L1CAM: variants seen among roughly 807,000 people sequenced by gnomAD.
L1CAM encodes neural cell adhesion molecule L1.
L1CAM carries 8 observed loss-of-function variants against 93.0 expected under a neutral mutation model. That is an observed-to-expected ratio of 0.09 (90% CI 0.05 to 0.16). The LOEUF (loss-of-function observed/expected upper bound fraction) is 0.16, where lower values mean the gene tolerates loss of function less well. Among genes scored for constraint, L1CAM ranks in the 10% least tolerant of loss-of-function variants. The probability of loss-of-function intolerance (pLI) is 1.00; values close to 1 mark genes in which losing one functional copy is unlikely to be tolerated. For missense variants in L1CAM, 777 were observed against 1,073.4 expected (o/e 0.72, Z 3.86); for synonymous variants, 453 against 453.0 (o/e 1.00, Z 0.00).
rs1410545364 is a variant in L1CAM at position 153,885,067 on chromosome X, CG to C, written c.-109+997del. 9.9e-3 allele frequency among the ~76,000 whole-genome samples: 1,112 copies of C among 112,161 alleles called. 16 individuals are homozygous for C. Among genetic ancestry groups the C allele is most frequent in the African/African-American group, 0.034 (1,064 of 30,885 alleles). On this transcript the variant is annotated intron_variant, in intron 1 of 28. Coordinates refer to ENST00000370060, the MANE Select transcript of L1CAM (RefSeq NM_001278116.2). ...TAGGTGGGGGGTCCAGATACCCTGTCGGGGGCAATGGATTGTAGTGCGTGTT... is the reference window on the plus strand; with the variant it reads ...TAGGTGGGGGGTCCAGATACCCTGTCGGGGCAATGGATTGTAGTGCGTGTT...
Position 153,865,215 on chromosome X carries a change from A to G in L1CAM, c.2750-5T>C. The G allele has an allele frequency of 8.3e-7, 1 of 1,209,787 alleles. No homozygotes were observed. Among genetic ancestry groups the G allele is most frequent in the South Asian group, 1.8e-5 (1 of 56,917 alleles). On this transcript the variant is annotated splice_polypyrimidine_tract_variant and splice_region_variant and intron_variant, in intron 21 of 28. Coordinates refer to ENST00000370060, the MANE Select transcript of L1CAM (RefSeq NM_001278116.2). ...ACGCCTCGGGGTGGCCAGGCACTGC[A>G]GGGCACAGAACCGAGTGGCAGGTAG...
chrX:153,865,626 G>T, intron 20 of L1CAM, 78 bp downstream of exon 20: 4 of 1,006,015 alleles, frequency 4.0e-6, no homozygotes, highest in Non-Finnish European at 5.7e-6. Flanking sequence ...GCGGCTGGCA[G>T]GTGGCAAAGC....
At position 153,870,305 on chromosome X, in the gene L1CAM, C is replaced by T. The variant is rs1206961127; in HGVS notation, c.807-65G>A. On this transcript the variant is annotated intron_variant, in intron 8 of 28. Coordinates refer to ENST00000370060, the MANE Select transcript of L1CAM (RefSeq NM_001278116.2). ...GGACAAGGCCAATCACCCCAGCCCC[C>T]TATACCCCGCGGTGGTCTGAGCTCC... is the stretch of plus-strand genomic sequence containing the variant. The T allele has an allele frequency of 5.9e-6, 7 of 1,180,731 alleles. No individual in the cohort carries two copies. The African/African-American group carries it at 8.8e-5, about 15-fold the overall frequency.
At chrX:153,879,785 G>A (rs973188481) in intron 1 of L1CAM, among the ~76,000 whole-genome samples, 8 of 111,046 alleles carry the variant, frequency 7.2e-5, no homozygotes, top group African/African-American at 1.3e-4. Flanking sequence ...GGGTAGGAAC[G>A]GGGGGAGGGG....
Position 153,865,767 on chromosome X carries a change from G to A in L1CAM, c.2484C>T (p.Ala828=), listed in dbSNP as rs1603274411. The change falls in exon 20 of 29, where the codon GCC becomes GCT. Residue 828 remains alanine, a synonymous_variant. Transcript: ENST00000370060. ...LEGIEILNSS[A]VLVKWRPVDL... ...CCACCGGCCGCCACTTGACCAGCAC[G>A]GCACTTGAGTTGAGGATTTCAATGC... The A allele has an allele frequency of 4.1e-6, 5 of 1,209,673 alleles. No homozygotes were observed. Among genetic ancestry groups the A allele is most frequent in the Non-Finnish European group, 5.6e-6 (5 of 894,550 alleles).
chrX:153,871,430 C>T (rs782099294), intron 5 of L1CAM, among the ~76,000 whole-genome samples: 4 of 110,735 alleles, frequency 3.6e-5, no homozygotes, highest in South Asian at 3.9e-4. Context: ...TAACCTTCCA[C>T]GGTTCTCAGC....
intron 1 of L1CAM, among the ~76,000 whole-genome samples, chrX:153,883,111 G>A (rs782442479): frequency 6.3e-5 from 7 of 111,933 alleles, no homozygotes; most frequent in Admixed American, 1.9e-4. Context: ...ACCCCAAGGC[G>A]TAGAGTCCAG....
Position 153,862,853 on chromosome X carries a change from A to T in L1CAM, c.3584T>A (p.Leu1195His). Residue 1195 changes from leucine to histidine, a missense_variant, in exon 29 of 29, where the codon CTC becomes CAC. Transcript: ENST00000370060. Reference protein sequence around the residue: ...EKAFGSSQPSLNGDIKPLGSD... With the variant: ...EKAFGSSQPSHNGDIKPLGSD... ...GCCCAGGGGCTTGATGTCCCCGTTGAGCGATGGCTGGCTGCTGCCAAAGGC... is the reference window on the plus strand; with the variant it reads ...GCCCAGGGGCTTGATGTCCCCGTTGTGCGATGGCTGGCTGCTGCCAAAGGC... 8.3e-7 allele frequency: 1 copy of T among 1,212,078 alleles called. No individual in the cohort carries two copies. The highest frequency in any genetic ancestry group is 1.1e-6 in the Non-Finnish European group (1 of 895,501).
At position 153,868,721 on chromosome X, in the gene L1CAM, G is replaced by T; in HGVS notation, c.1386C>A (p.Asp462Glu). 8.3e-7 allele frequency: 1 copy of T among 1,211,541 alleles called. No homozygotes were observed. The highest frequency in any genetic ancestry group is 2.2e-5 in the Admixed American group (1 of 46,093). The stretch of plus-strand genomic sequence containing the variant: ...CCTGAAGCACTGTTGTCCCATCCTC[G>T]TCCAGCCTGGAGGGAGCAGGGCGGG... ...GAPVPSVQWLDEDGTTVLQDE... is the reference protein window; with the variant it reads ...GAPVPSVQWLEEDGTTVLQDE... Residue 462 changes from aspartate to glutamate, a missense_variant, in exon 13 of 29, where the codon GAC becomes GAA. Physicochemically the swap from Asp to Glu is conservative, Grantham distance 45 (BLOSUM62 2). Around this residue, in one of 5 missense-constraint regions of L1CAM, gnomAD observed 574 missense variants for 781.0 expected, o/e 0.73. Coordinates refer to ENST00000370060, the MANE Select transcript of L1CAM (RefSeq NM_001278116.2).
intron 3 of L1CAM, chrX:153,872,941 CG>C: frequency 6.7e-6 from 3 of 449,275 alleles, no homozygotes. Context: ...CAGAAAGAAG[CG>C]GGGGCAACAA....
chrX:153,865,747 G>A lies in L1CAM; in HGVS notation c.2504C>T (p.Pro835Leu), dbSNP rs781912495. 5.8e-6 allele frequency: 7 copies of A among 1,209,218 alleles called. No individual in the cohort carries two copies. The highest frequency in any genetic ancestry group is 3.0e-5 in the East Asian group (1 of 33,736). The change falls in exon 20 of 29, where the codon CCG becomes CTG. Residue 835 changes from proline to leucine, a missense_variant. Pro to Leu is a moderately conservative substitution (Grantham distance 98). Coordinates refer to ENST00000370060, the MANE Select transcript of L1CAM (RefSeq NM_001278116.2). ...GCCCTTGACCTGGGCCAGGTCCACCGGCCGCCACTTGACCAGCACGGCACT... is the reference window on the plus strand; with the variant it reads ...GCCCTTGACCTGGGCCAGGTCCACCAGCCGCCACTTGACCAGCACGGCACT... Reference protein sequence around the residue: ...NSSAVLVKWRPVDLAQVKGHL... With the variant: ...NSSAVLVKWRLVDLAQVKGHL...
chrX:153,869,373 G>A (rs915418657), intron 11 of L1CAM, 147 bp downstream of exon 11: 24 of 634,748 alleles, frequency 3.8e-5, no homozygotes, highest in South Asian at 2.2e-4. Context: ...GTGAGATGGG[G>A]CGAAGGGTGT....
intron 1 of L1CAM, 191 bp downstream of exon 1, chrX:153,885,874 C>A: frequency 1.2e-6 from 1 of 818,075 alleles, no homozygotes; most frequent in Admixed American, 5.2e-5. Flanking sequence ...ATCCCTCCCC[C>A]GCCCCGCTTA....
Position 153,866,988 on chromosome X carries a change from G to A in L1CAM, c.2208+66C>T, listed in dbSNP as rs1245500453. On this transcript the variant is annotated intron_variant, in intron 18 of 28. Transcript: ENST00000370060. Reference sequence around the variant, plus strand: ...CAGCCCCTTCCTTTGCATAGCCAAGGGGGAGCAACAGACACCCAGGTCATG... The same window carrying A: ...CAGCCCCTTCCTTTGCATAGCCAAGAGGGAGCAACAGACACCCAGGTCATG... 32 of 1,129,059 alleles carry A rather than the reference G, an allele frequency of 2.8e-5. No individual in the cohort carries two copies. The East Asian group carries it at 6.9e-4, about 24-fold the overall frequency. The allele number at this position is 1,129,059 out of a possible 1,213,427, so 93.0% of individuals were successfully genotyped here.
intron 1 of L1CAM, among the ~76,000 whole-genome samples, chrX:153,877,733 G>A (rs1309736287): frequency 8.9e-6 from 1 of 112,643 alleles, no homozygotes; most frequent in Non-Finnish European, 1.9e-5. Context: ...AGCCCCCTGG[G>A]GGTCAAGAGA....
chrX:153,868,519 C>T, intron 13 of L1CAM, 42 bp downstream of exon 13: 2 of 1,211,923 alleles, frequency 1.7e-6, no homozygotes, highest in Non-Finnish European at 2.2e-6. Context: ...CAGACCCTCC[C>T]TCCCAGAGGC....
rs868976264 is a variant in L1CAM, at chrX:153,868,371, G to A, written c.1634C>T (p.Pro545Leu). ...CCAGGTGATGCTGGGCTGCAAGGAG[G>A]GGTCAAAGGAGGCCTGGCACGTGAA... is the stretch of plus-strand genomic sequence containing the variant. ...VTFTCQASFD[P>L]SLQPSITWRG... Residue 545 changes from proline to leucine, a missense_variant, in exon 14 of 29, where the codon CCC becomes CTC. Physicochemically the swap from Pro to Leu is moderately conservative, Grantham distance 98 (BLOSUM62 -3). This residue lies in a region of L1CAM where 574 missense variants were observed against 781.0 expected (regional missense o/e 0.73). Coordinates refer to ENST00000370060, the MANE Select transcript of L1CAM (RefSeq NM_001278116.2). 2 of 1,210,010 alleles carry A rather than the reference G, an allele frequency of 1.7e-6. No individual in the cohort carries two copies. Among genetic ancestry groups the A allele is most frequent in the South Asian group, 1.8e-5 (1 of 56,823 alleles).
chrX:153,865,627 G>A (rs1214116908), intron 20 of L1CAM, 77 bp downstream of exon 20: 3 of 1,007,256 alleles, frequency 3.0e-6, no homozygotes, highest in Non-Finnish European at 4.2e-6. Context: ...CGGCTGGCAG[G>A]TGGCAAAGCC....
Position 153,868,067 on chromosome X carries a change from C to G in L1CAM, c.1759G>C (p.Gly587Arg), listed in dbSNP as rs199888009. The G allele has an allele frequency of 3.8e-5, 46 of 1,208,629 alleles. No individual in the cohort carries two copies. In the East Asian group the frequency reaches 1.1e-3, roughly 30 times the overall value. Residue 587 changes from glycine (G) to arginine (R), a missense_variant, in exon 15 of 29, where the codon GGC becomes CGC. Transcript: ENST00000370060. ...VIHSLDYSDQGNYSCVASTEL... is the reference protein window; with the variant it reads ...VIHSLDYSDQRNYSCVASTEL... ...GTACTGGCCACGCAGCTGTAGTTGCCCTGGTCGCTGTAGTCCAGGCTGTGG... is the reference window on the plus strand; with the variant it reads ...GTACTGGCCACGCAGCTGTAGTTGCGCTGGTCGCTGTAGTCCAGGCTGTGG...
Sources: allele counts gnomAD v4.1 joint callset (sites outside exome capture counted in the v4.1 genomes callset), GRCh38; gene constraint gnomAD v4.1.1; regional missense constraint gnomAD v4.1.1; transcripts MANE v1.5; gene names NCBI Gene and HGNC (gene_info 2026-07-23, HGNC 2026-07-21).